Variants in TSPEAR observed in about 807,000 individuals in gnomAD.
The protein encoded by TSPEAR is thrombospondin type laminin G domain and EAR repeats.
TSPEAR carries 69 observed loss-of-function variants against 71.6 expected under a neutral mutation model. That is an observed-to-expected ratio of 0.96 (90% CI 0.79 to 1.18). TSPEAR has a LOEUF of 1.18. Among genes scored for constraint, TSPEAR ranks in the 50% most tolerant of loss-of-function variants. The pLI is 0.00. For missense variants in TSPEAR, 971 were observed against 894.9 expected (o/e 1.09, Z -1.09); for synonymous variants, 402 against 387.2 (o/e 1.04, Z -0.45).
chr21:44,707,249 C>T (rs912251917), intron 1 of TSPEAR, among the ~76,000 whole-genome samples: 5 of 151,024 alleles, frequency 3.3e-5, no homozygotes, highest in Admixed American at 2.0e-4. Context: ...CCTGCCCCCA[C>T]CGCAACACCA....
intron 2 of TSPEAR, among the ~76,000 whole-genome samples, chr21:44,557,554 G>A (rs1055347962): frequency 3.3e-5 from 5 of 152,182 alleles, no homozygotes; most frequent in Admixed American, 1.3e-4. Context: ...GGGAGAGGCC[G>A]GGCCGGGTGG....
At position 44,527,627 on chromosome 21, in the gene TSPEAR, G is replaced by A. The variant is rs961638807; in HGVS notation, c.923-109C>T. On this transcript the variant is annotated intron_variant, in intron 6 of 11. Transcript: ENST00000323084. ...CCCCAAGTCACAAGCCACGACTCCT[G>A]CGCCTCAGCCTCGGGCATCAGTTTC... is the stretch of plus-strand genomic sequence containing the variant. The A allele has an allele frequency of 5.7e-5, 59 of 1,038,214 alleles. No homozygotes were observed. In the South Asian group the frequency reaches 8.3e-4, roughly 15 times the overall value. The allele number at this position is 1,038,214 out of a possible 1,614,324, so 64.3% of individuals were successfully genotyped here.
At chr21:44,654,120 C>G (rs116499820) in intron 1 of TSPEAR, 3 of 642,726 alleles carry the variant, frequency 4.7e-6, no homozygotes, top group South Asian at 3.8e-5. Flanking sequence ...ATGGCCTCAC[C>G]GGCTGGGATC....
At chr21:44,569,553 C>T (rs968228293) in intron 1 of TSPEAR, among the ~76,000 whole-genome samples, 7 of 152,082 alleles carry the variant, frequency 4.6e-5, no homozygotes, top group Non-Finnish European at 1.0e-4. Flanking sequence ...GTGTGACCCA[C>T]AGCACCAGAG....
At chr21:44,662,068 GA>G (rs1985526649) in intron 1 of TSPEAR, among the ~76,000 whole-genome samples, 1 of 152,132 alleles carries the variant, frequency 6.6e-6, no homozygotes, top group Non-Finnish European at 1.5e-5. Flanking sequence ...AGATAAAAAG[GA>G]ACAGATGGAA....
rs781805387 is a variant in TSPEAR, at chr21:44,654,636, G to C, written c.82+56797C>G. On this transcript the variant is annotated intron_variant, in intron 1 of 11. Transcript: ENST00000323084. ...ACATGATGGAGTGTGGACAGGTGGG[G>C]GGCGCAGAGGACAGGGCTGGTCTGG... is the stretch of plus-strand genomic sequence containing the variant. 3 of 1,488,608 alleles carry C rather than the reference G, an allele frequency of 2.0e-6. No individual in the cohort carries two copies. The East Asian group carries it at 7.1e-5, about 35-fold the overall frequency. The allele number at this position is 1,488,608 out of a possible 1,614,324, so 92.2% of individuals were successfully genotyped here.
intron 1 of TSPEAR, chr21:44,690,449 TCAAA>T (rs1424901328): frequency 4.1e-5 from 29 of 714,336 alleles, no homozygotes; most frequent in African/African-American, 7.7e-5. Flanking sequence ...TTCCAGAAAA[TCAAA>T]CAAACAAACA....
intron 1 of TSPEAR, chr21:44,592,021 C>G: frequency 6.2e-7 from 1 of 1,604,240 alleles, no homozygotes; most frequent in Middle Eastern, 1.7e-4. Context: ...GGGCACACAG[C>G]AGGCCTGCTG....
intron 1 of TSPEAR, among the ~76,000 whole-genome samples, chr21:44,694,169 C>T (rs968753939): frequency 6.6e-6 from 1 of 152,174 alleles, no homozygotes; most frequent in African/African-American, 2.4e-5. Context: ...GCTGGGAAAA[C>T]TAGATTTCCA....
intron 8 of TSPEAR, among the ~76,000 whole-genome samples, chr21:44,523,611 ATCAG>A (rs1231700423): frequency 2.0e-5 from 3 of 152,010 alleles, no homozygotes; most frequent in East Asian, 3.9e-4. Flanking sequence ...GTAGTCAGTC[ATCAG>A]TCAGGTAGTT....
At chr21:44,692,488 G>A (rs1341914457) in intron 1 of TSPEAR, among the ~76,000 whole-genome samples, 3 of 152,212 alleles carry the variant, frequency 2.0e-5, no homozygotes, top group Admixed American at 6.5e-5. Flanking sequence ...AGCTACTAGA[G>A]CTTTATTAAA....
intron 2 of TSPEAR, among the ~76,000 whole-genome samples, chr21:44,555,435 A>G (rs1233576488): frequency 1.3e-5 from 2 of 152,154 alleles, no homozygotes; most frequent in Admixed American, 6.5e-5. Flanking sequence ...GGGCCCCCAC[A>G]TCCCACAGGA....
chr21:44,646,751 C>T (rs966502954), intron 1 of TSPEAR: 3 of 1,613,840 alleles, frequency 1.9e-6, no homozygotes, highest in Non-Finnish European at 2.5e-6. Context: ...TGCCAGCAGG[C>T]CTGCTGTGTG....
intron 1 of TSPEAR, chr21:44,681,645 C>T: frequency 2.7e-6 from 2 of 751,754 alleles, no homozygotes; most frequent in Non-Finnish European, 4.1e-6. Context: ...CCAGACTTCC[C>T]TGGGGGGATA....
At position 44,620,139 on chromosome 21, in the gene TSPEAR, G is replaced by A. The variant is rs1391440577; in HGVS notation, c.83-52134C>T. 4.6e-5 allele frequency among the ~76,000 whole-genome samples: 7 copies of A among 152,242 alleles called. No homozygotes were observed. In the South Asian group the frequency reaches 6.2e-4, roughly 14 times the overall value. On this transcript the variant is annotated intron_variant, in intron 1 of 11. Transcript: ENST00000323084. Reference sequence around the variant, plus strand: ...CATCAGAAACCATGGAGGCCAGAACGCGTTGGGATGACATATTTAACATGC... The same window carrying A: ...CATCAGAAACCATGGAGGCCAGAACACGTTGGGATGACATATTTAACATGC...
rs1188676203 is a variant in TSPEAR at position 44,623,572 on chromosome 21, T to G, written c.83-55567A>C. On this transcript the variant is annotated intron_variant, in intron 1 of 11. Coordinates refer to ENST00000323084, the MANE Select transcript of TSPEAR (RefSeq NM_144991.3). The surrounding 1 kb of genome is among the most constrained non-coding windows in gnomAD (Gnocchi z 4.5). ...CTTCCATCTGTGATCATTTTCATTC[T>G]GCCTAATTATCTTTTTATTTTCTGT... is the stretch of plus-strand genomic sequence containing the variant. Among the ~76,000 whole-genome samples the G allele has an allele frequency of 6.6e-6, 1 of 152,266 alleles. No homozygotes were observed. Among genetic ancestry groups the G allele is most frequent in the Admixed American group, 6.5e-5 (1 of 15,288 alleles).
At chr21:44,526,421 G>C (rs1267660062) in intron 7 of TSPEAR, among the ~76,000 whole-genome samples, 1 of 151,320 alleles carries the variant, frequency 6.6e-6, no homozygotes, top group African/African-American at 2.4e-5. Context: ...TTGCTTTTCT[G>C]AATTTTCCAA....
intron 1 of TSPEAR, chr21:44,637,923 G>T: frequency 6.2e-7 from 1 of 1,611,856 alleles, no homozygotes; most frequent in Non-Finnish European, 8.5e-7. Flanking sequence ...ACTTCATGCT[G>T]CCAGCAGTCT....
At chr21:44,540,074 C>A in intron 2 of TSPEAR, 9 of 1,611,716 alleles carry the variant, frequency 5.6e-6, no homozygotes, top group Non-Finnish European at 7.6e-6. Context: ...GGGCTCACAG[C>A]AGCTCTCTGG....
Sources: gnomAD v4.1 joint callset for allele counts (sites outside exome capture counted in the v4.1 genomes callset) on GRCh38, gnomAD v4.1.1 for gene constraint, Gnocchi (gnomAD v3.1) non-coding constraint, MANE v1.5 for transcripts, NCBI Gene and HGNC (gene_info 2026-07-23, HGNC 2026-07-21) for gene names.